Variants in LAMA5 observed in about 807,000 individuals in gnomAD.
LAMA5 encodes the protein laminin subunit alpha-5.
In LAMA5, 260 loss-of-function variants were observed where a neutral mutation model predicts 433.4. The ratio of observed to expected loss-of-function variants is 0.60; its 90% CI spans 0.54 to 0.66. The LOEUF is 0.66. LAMA5 is among the 30% of genes least tolerant of loss of function. The probability of loss-of-function intolerance (pLI) is 0.00; values close to 1 mark genes in which losing one functional copy is unlikely to be tolerated. For synonymous variants in LAMA5, 2,620 were observed against 2,226.6 expected, an observed-to-expected ratio of 1.18 and a Z score of -4.97; for missense variants, 5,378 against 5,258.5, an observed-to-expected ratio of 1.02 and a Z score of -0.70.
chr20:62,352,152 TC>T, intron 4 of LAMA5, 73 bp from the exon 5 acceptor site: 1 of 1,582,624 alleles, frequency 6.3e-7, no homozygotes, highest in Non-Finnish European at 8.6e-7. Flanking sequence ...GGCCCACCTT[TC>T]CCTTCTCCAG....
chr20:62,345,667 C>T, intron 11 of LAMA5, 151 bp downstream of exon 11: 2 of 653,196 alleles, frequency 3.1e-6, no homozygotes, highest in Non-Finnish European at 5.4e-6. Flanking sequence ...CGAAGGTTTT[C>T]CAGTGTGAAT....
In LAMA5 at chr20:62,351,915, G is replaced by A; in HGVS notation, c.852C>T (p.Thr284=). 1 of 1,603,752 alleles carries A rather than the reference G, an allele frequency of 6.2e-7. No individual in the cohort carries two copies. Among genetic ancestry groups the A allele is most frequent in the South Asian group, 1.1e-5 (1 of 89,794 alleles). The change falls in exon 5 of 80, where the codon ACC becomes ACT. Residue 284 remains threonine (T), a synonymous_variant. Coordinates refer to ENST00000252999, the MANE Select transcript of LAMA5 (RefSeq NM_005560.6). The stretch of plus-strand genomic sequence containing the variant: ...TGCGCCATGGGCAGCTCACCCGGCG[G>A]GTGACCGTGGGGTCCCGCAGCGCCT... ...MGKALRDPTV[T]RRYYYSIKDI... is the part of the protein sequence containing the mutation.
intron 2 of LAMA5, among the ~76,000 whole-genome samples, chr20:62,354,105 C>A (rs1019637415): frequency 3.9e-5 from 6 of 152,126 alleles, no homozygotes; most frequent in Non-Finnish European, 8.8e-5. Flanking sequence ...CGTGTGTCAG[C>A]CTGACCTCCA....
rs778551963 is a variant in LAMA5 at position 62,333,221 on chromosome 20, G to A, written c.3151C>T (p.Pro1051Ser). 4 of 1,531,208 alleles carry A rather than the reference G, an allele frequency of 2.6e-6. No homozygotes were observed. Among genetic ancestry groups the A allele is most frequent in the African/African-American group, 2.8e-5 (2 of 72,608 alleles). 94.9% of individuals were successfully genotyped at this position (1,531,208 alleles called of 1,614,324 possible). A position where few individuals can be genotyped will look rare whatever the true frequency, so the allele number is the denominator to read the frequency against. The stretch of plus-strand genomic sequence containing the variant: ...GCGGCCGAGGGGAAGCCATCCAGGG[G>A]GAGGTGTGTGTAGAGGAGGCAGCTG... ...GDNCLLYTHL[P>S]LDGFPSAAGL... is the part of the protein sequence containing the mutation. Residue 1051 changes from proline (P) to serine (S), a missense_variant, in exon 26 of 80, where the codon CCC (proline) becomes TCC (serine). Transcript: ENST00000252999.
chr20:62,319,321 C>A (rs1987398354), intron 51 of LAMA5, among the ~76,000 whole-genome samples: 1 of 152,162 alleles, frequency 6.6e-6, no homozygotes, highest in African/African-American at 2.4e-5. Flanking sequence ...TGACATGGCA[C>A]CCCCTGCCGA....
intron 29 of LAMA5, 32 bp downstream of exon 29, chr20:62,331,000 G>A (rs755070439): frequency 8.2e-6 from 13 of 1,579,576 alleles, no homozygotes; most frequent in African/African-American, 4.1e-5. Context: ...GCCCTCGGCC[G>A]CGCCCCTCCC....
intron 11 of LAMA5, among the ~76,000 whole-genome samples, chr20:62,340,301 CT>C (rs1555881500): frequency 1.1e-5 from 1 of 92,646 alleles, no homozygotes; most frequent in African/African-American, 3.0e-5. Context: ...AACAAGCCTC[CT>C]TTGTTTTTTT....
chr20:62,328,531 C>T, intron 34 of LAMA5, 86 bp from the exon 35 acceptor site: 4 of 1,347,060 alleles, frequency 3.0e-6, no homozygotes, highest in South Asian at 3.1e-5. Flanking sequence ...GGGGATGTGG[C>T]AGTGTGACGG....
chr20:62,315,159 G>C lies in LAMA5; in HGVS notation c.7916C>G (p.Ala2639Gly). The stretch of plus-strand genomic sequence containing the variant: ...CTGCACACGGGTGGCGGTGTCCTGG[G>C]CTTCAGCAGCCACAGCCTTGGCATG... ...IAHAKAVAAE[A>G]QDTATRVQSQ... The change falls in exon 59 of 80, where the codon GCC (alanine) becomes GGC (glycine). Residue 2639 changes from alanine to glycine, a missense_variant. Transcript: ENST00000252999. The C allele has an allele frequency of 6.2e-7, 1 of 1,610,938 alleles. No individual in the cohort carries two copies. The highest frequency in any genetic ancestry group is 2.2e-5 in the East Asian group (1 of 44,878).
At chr20:62,313,551 C>T (rs1467298629) in intron 63 of LAMA5, 91 bp from the exon 64 acceptor site, 1 of 1,567,196 alleles carries the variant, frequency 6.4e-7, no homozygotes, top group Non-Finnish European at 8.6e-7. Flanking sequence ...GCAGGACGGA[C>T]TGAGGCAAGA....
intron 2 of LAMA5, among the ~76,000 whole-genome samples, chr20:62,355,686 G>A (rs1478723191): frequency 2.0e-5 from 3 of 152,118 alleles, no homozygotes; most frequent in South Asian, 2.1e-4. Context: ...CTGCCCAGCA[G>A]GGAGGGGTAT....
Position 62,323,645 on chromosome 20 carries a change from G to C in LAMA5, c.5875C>G (p.Pro1959Ala), listed in dbSNP as rs369119063. The change falls in exon 45 of 80, where the codon CCA becomes GCA. Residue 1959 changes from proline to alanine, a missense_variant. Physicochemically the swap from Pro to Ala is conservative, Grantham distance 27. Coordinates refer to ENST00000252999, the MANE Select transcript of LAMA5 (RefSeq NM_005560.6). ...TGGCAGGAGCTGCCCAGCACCAGTG[G>C]GTTCCCAAAGAATCCGGGCGCACAC... ...ERCAPGFFGN[P>A]LVLGSSCQPC... 8 of 1,610,100 alleles carry C rather than the reference G, an allele frequency of 5.0e-6. No individual in the cohort carries two copies. The highest frequency in any genetic ancestry group is 1.1e-5 in the South Asian group (1 of 90,722).
At position 62,330,854 on chromosome 20, in the gene LAMA5, C is replaced by G; in HGVS notation, c.3741G>C (p.Pro1247=). Residue 1247 remains proline, a synonymous_variant, in exon 30 of 80, where the codon CCG becomes CCC. Coordinates refer to ENST00000252999, the MANE Select transcript of LAMA5 (RefSeq NM_005560.6). ...CQVIPLPPGL[P]LTHAQDLTPA... is the part of the protein sequence containing the mutation. ...GAGTGAGATCCTGCGCGTGGGTCAG[C>G]GGGAGGCCGGGCGGCAGCGGGATCA... The G allele has an allele frequency of 6.5e-7, 1 of 1,539,264 alleles. No homozygotes were observed. The highest frequency in any genetic ancestry group is 8.8e-7 in the Non-Finnish European group (1 of 1,142,354).
chr20:62,319,645 C>T (rs1320231354), intron 51 of LAMA5, 39 bp downstream of exon 51: 37 of 1,460,118 alleles, frequency 2.5e-5, no homozygotes, highest in Non-Finnish European at 3.4e-5. Context: ...GGCAGCCCTC[C>T]TGGCTCTGAG....
At chr20:62,325,123 G>GGCAGGCAGACAGGCA (rs1979042761) in intron 41 of LAMA5, 193 bp downstream of exon 41, 8 of 560,734 alleles carry the variant, frequency 1.4e-5, no homozygotes, top group Admixed American at 7.0e-5. Flanking sequence ...GCGGACGAGG[G>GGCAGGCAGACAGGCA]GCAGGCAGAC....
In LAMA5 at chr20:62,338,138, C is replaced by T. The variant is rs1981994563; in HGVS notation, c.1769G>A (p.Ser590Asn). ...GCCCTCGGGCAAGGTTCCTGCAGGG[C>T]TGCAGCCACACACTGCAGAGCGGAG... ...HFPLCQLCGC[S>N]PAGTLPEGCD... Residue 590 changes from serine (S) to asparagine (N), a missense_variant, in exon 14 of 80, where the codon AGC becomes AAC. Coordinates refer to ENST00000252999, the MANE Select transcript of LAMA5 (RefSeq NM_005560.6). 1 of 1,586,386 alleles carries T rather than the reference C, an allele frequency of 6.3e-7. No individual in the cohort carries two copies. Among genetic ancestry groups the T allele is most frequent in the Admixed American group, 1.7e-5 (1 of 57,922 alleles).
intron 2 of LAMA5, among the ~76,000 whole-genome samples, chr20:62,354,066 C>T (rs1222654647): frequency 6.6e-6 from 1 of 152,114 alleles, no homozygotes; most frequent in Non-Finnish European, 1.5e-5. Context: ...CCTGCCCCAG[C>T]CCCACCTTGG....
chr20:62,336,037 C>T (rs1346951502), intron 18 of LAMA5, among the ~76,000 whole-genome samples: 2 of 150,066 alleles, frequency 1.3e-5, no homozygotes, highest in African/African-American at 2.5e-5. Context: ...AACCCCTATA[C>T]CCCAATACTC....
chr20:62,334,123 C>G (rs1179178431), intron 22 of LAMA5, 63 bp downstream of exon 22: 1 of 1,587,534 alleles, frequency 6.3e-7, no homozygotes, highest in Non-Finnish European at 8.6e-7. Context: ...GCCCACCCCT[C>G]CCTGCCAGCC....
Sources: gnomAD v4.1 joint callset for allele counts (sites outside exome capture counted in the v4.1 genomes callset) on GRCh38, gnomAD v4.1.1 for gene constraint, MANE v1.5 for transcripts, NCBI Gene and HGNC (gene_info 2026-07-23, HGNC 2026-07-21) for gene names.